STK33: variants seen among roughly 807,000 people sequenced by gnomAD.
The protein encoded by STK33 is serine/threonine-protein kinase 33.
A neutral mutation model predicts 58.0 loss-of-function variants in STK33; 52 were observed. The ratio of observed to expected loss-of-function variants is 0.90; its 90% CI spans 0.72 to 1.13. STK33 has a LOEUF of 1.13. STK33 is among the 50% of genes most tolerant of loss of function. The pLI, the probability that STK33 is intolerant of heterozygous loss-of-function variation, is 0.00. For synonymous variants in STK33, 215 were observed against 200.1 expected, an observed-to-expected ratio of 1.07 and a Z score of -0.63; for missense variants, 630 against 604.2, an observed-to-expected ratio of 1.04 and a Z score of -0.45.
At chr11:8,557,273 AGGG>A (rs772531161) in intron 1 of STK33, among the ~76,000 whole-genome samples, 12 of 2,188 alleles carry the variant, frequency 5.5e-3, no homozygotes, top group Admixed American at 0.013. Flanking sequence ...AGGGGAGGGG[AGGG>A]GAGGGGAGGG....
At chr11:8,452,952 A>C (rs372597557) in intron 10 of STK33, 46 bp from the exon 11 acceptor site, 80 of 1,513,578 alleles carry the variant, frequency 5.3e-5, no homozygotes, top group Admixed American at 4.0e-4. Context: ...CCTGTCCTAG[A>C]GCTCACTCAT....
rs367922649 is a variant in STK33, at chr11:8,427,052, G to A, written c.1146+8442C>T. On this transcript the variant is annotated intron_variant, in intron 14 of 15. Coordinates refer to ENST00000687296, the MANE Select transcript of STK33 (RefSeq NM_001352389.2). ...TGTTTTTGTATTTTTTGATATCAGC[G>A]AACTCTACCAAGACATTTAAAGACT... Among the ~76,000 whole-genome samples, 9 of 152,040 alleles carry A rather than the reference G, an allele frequency of 5.9e-5. No individual in the cohort carries two copies. The East Asian group carries it at 7.7e-4, about 13-fold the overall frequency.
chr11:8,475,893 A>C (rs1388780661), intron 4 of STK33: 1 of 152,196 alleles, frequency 6.6e-6, no homozygotes, highest in East Asian at 1.9e-4. Flanking sequence ...TAGATTGATA[A>C]ACCTGGGGAT....
downstream of STK33, among the ~76,000 whole-genome samples, chr11:8,390,166 C>T (rs79138447): frequency 0.014 from 2,179 of 152,258 alleles, 48 homozygotes; most frequent in African/African-American, 0.049. Context: ...AATTTGTCCC[C>T]AGCTTGCCTG....
At chr11:8,475,561 C>T (rs990207524) in intron 4 of STK33, 13 of 152,056 alleles carry the variant, frequency 8.5e-5, no homozygotes, top group South Asian at 4.1e-4. Context: ...GTGAATAATT[C>T]GATTTTTAGA....
At chr11:8,548,412 G>A (rs148178969) in intron 1 of STK33, among the ~76,000 whole-genome samples, 141 of 152,208 alleles carry the variant, frequency 9.3e-4, no homozygotes, top group African/African-American at 3.3e-3. Flanking sequence ...AAAATAAATT[G>A]GCTGTAAATG....
intron 1 of STK33, among the ~76,000 whole-genome samples, chr11:8,534,050 G>A (rs1304855164): frequency 6.6e-6 from 1 of 152,040 alleles, no homozygotes; most frequent in Non-Finnish European, 1.5e-5. Context: ...TGAGGAGGGC[G>A]GATCACCTGA....
At chr11:8,582,501 G>T (rs1036627936) in intron 1 of STK33, among the ~76,000 whole-genome samples, 1 of 152,176 alleles carries the variant, frequency 6.6e-6, no homozygotes, top group Non-Finnish European at 1.5e-5. Context: ...AAGGCAGCAG[G>T]AAGAGGGGAA....
chr11:8,502,499 T>C (rs191710273), intron 1 of STK33, among the ~76,000 whole-genome samples: 1 of 152,290 alleles, frequency 6.6e-6, no homozygotes, highest in African/African-American at 2.4e-5. Context: ...GATTAAAGAC[T>C]TAAATGTAAA....
intron 1 of STK33, among the ~76,000 whole-genome samples, chr11:8,501,916 G>T (rs942545257): frequency 3.9e-5 from 6 of 152,100 alleles, no homozygotes; most frequent in African/African-American, 7.2e-5. Context: ...ATTCTGCTAA[G>T]TAAAAGAAGC....
At position 8,528,459 on chromosome 11, in the gene STK33, C is replaced by A. The variant is rs534657409; in HGVS notation, c.-465-47845G>T. Among the ~76,000 whole-genome samples the A allele has an allele frequency of 1.7e-3, 258 of 152,182 alleles. 2 individuals are homozygous for A. The highest frequency in any genetic ancestry group is 3.1e-3 in the Non-Finnish European group (211 of 68,038). On this transcript the variant is annotated intron_variant, in intron 1 of 15. Coordinates refer to ENST00000687296, the MANE Select transcript of STK33 (RefSeq NM_001352389.2). Reference sequence around the variant, plus strand: ...CTTGTTTTCCCACTGGTAACTGCTGCTAATCCAAGCATATACTCAGGGCAA... The same window carrying A: ...CTTGTTTTCCCACTGGTAACTGCTGATAATCCAAGCATATACTCAGGGCAA...
At chr11:8,361,452 C>T in the STK33 span, among the ~76,000 whole-genome samples, 23 of 152,020 alleles carry the variant, frequency 1.5e-4, no homozygotes, top group Non-Finnish European at 3.4e-4. The surrounding 1 kb of genome is among the most constrained non-coding windows in gnomAD (Gnocchi z 4.8). Context: ...GAGGCTGAGG[C>T]CCCGCCCTTC....
intron 1 of STK33, among the ~76,000 whole-genome samples, chr11:8,540,467 G>A (rs1367793921): frequency 1.3e-5 from 2 of 151,922 alleles, no homozygotes; most frequent in African/African-American, 4.8e-5. Flanking sequence ...GACAGAGCAA[G>A]ACCCAGTCTT....
At chr11:8,511,378 G>A (rs1192590821) in intron 1 of STK33, among the ~76,000 whole-genome samples, 1 of 151,974 alleles carries the variant, frequency 6.6e-6, no homozygotes, top group East Asian at 1.9e-4. Flanking sequence ...AGATCTAGAA[G>A]GTTTTTGGTA....
intron 14 of STK33, among the ~76,000 whole-genome samples, chr11:8,430,292 C>CTAA (rs1238392079): frequency 6.6e-6 from 1 of 152,128 alleles, no homozygotes; most frequent in Non-Finnish European, 1.5e-5. Context: ...AATTCTCTTA[C>CTAA]CTTCCTTACC....
chr11:8,490,613 C>G (rs1222999346), intron 1 of STK33, among the ~76,000 whole-genome samples: 1 of 152,178 alleles, frequency 6.6e-6, no homozygotes, highest in Non-Finnish European at 1.5e-5. Context: ...CAGACTACCT[C>G]CTCAAGTGGG....
intron 1 of STK33, among the ~76,000 whole-genome samples, chr11:8,554,265 A>G (rs1956569804): frequency 6.6e-6 from 1 of 151,204 alleles, no homozygotes; most frequent in African/African-American, 2.5e-5. Context: ...TAAAAATACA[A>G]AAAATTAGCC....
chr11:8,441,015 G>GT (rs760798875), intron 11 of STK33, among the ~76,000 whole-genome samples: 3 of 152,096 alleles, frequency 2.0e-5, no homozygotes, highest in African/African-American at 4.8e-5. Flanking sequence ...TCTTTAAATT[G>GT]TTAAGAAATG....
chr11:8,461,342 T>A (rs1313133092), intron 8 of STK33, among the ~76,000 whole-genome samples: 1 of 152,120 alleles, frequency 6.6e-6, no homozygotes, highest in Non-Finnish European at 1.5e-5. Context: ...TCTAGGGAAA[T>A]ATGAAGATAA....
Sources: allele counts gnomAD v4.1 joint callset (sites outside exome capture counted in the v4.1 genomes callset), GRCh38; gene constraint gnomAD v4.1.1; non-coding constraint Gnocchi (gnomAD v3.1); transcripts MANE v1.5; gene names NCBI Gene and HGNC (gene_info 2026-07-23, HGNC 2026-07-21).